Variants in STXBP3 observed in about 807,000 individuals in gnomAD.
STXBP3 encodes syntaxin binding protein 3.
Under a neutral mutation model 85.7 loss-of-function variants are expected in STXBP3, and 41 were observed. The ratio of observed to expected loss-of-function variants is 0.48; its 90% CI spans 0.37 to 0.62. The LOEUF is 0.62. Among genes scored for constraint, STXBP3 ranks in the 20% least tolerant of loss-of-function variants. STXBP3 has a pLI of 0.00. For synonymous variants in STXBP3, 229 were observed against 231.7 expected (o/e 0.99, Z 0.10); for missense variants, 563 against 703.1 (o/e 0.80, Z 2.25).
At chr1:108,794,738 T>A in intron 12 of STXBP3, 89 bp from the exon 13 acceptor site, 1 of 1,124,472 alleles carries the variant, frequency 8.9e-7, no homozygotes, top group East Asian at 2.6e-5. Flanking sequence ...GCCCATACTT[T>A]CTTTCAGGCC....
At chr1:108,771,686 C>A (rs369196221) in intron 6 of STXBP3, among the ~76,000 whole-genome samples, 42 of 2,770 alleles carry the variant, frequency 0.015, 8 homozygotes, top group Admixed American at 0.051. Flanking sequence ...TATATGATAT[C>A]TATCTATATA....
chr1:108,775,564 C>G (rs1287449667), intron 7 of STXBP3, among the ~76,000 whole-genome samples: 1 of 151,994 alleles, frequency 6.6e-6, no homozygotes, highest in Non-Finnish European at 1.5e-5. Context: ...ACCCACCACT[C>G]CTGCCCCTTT....
At chr1:108,755,116 T>A (rs902567930) in intron 3 of STXBP3, among the ~76,000 whole-genome samples, 2 of 152,028 alleles carry the variant, frequency 1.3e-5, no homozygotes, top group Non-Finnish European at 2.9e-5. Context: ...ATTTGCTACT[T>A]GAGTGGAGAA....
At chr1:108,775,241 A>T (rs1429324106) in intron 7 of STXBP3, among the ~76,000 whole-genome samples, 2 of 152,042 alleles carry the variant, frequency 1.3e-5, no homozygotes, top group Admixed American at 6.6e-5. Flanking sequence ...TGAGGTTGTT[A>T]TGCTGGTGAA....
chr1:108,793,890 TAACA>T (rs1663030972), intron 12 of STXBP3, among the ~76,000 whole-genome samples: 1 of 135,508 alleles, frequency 7.4e-6, no homozygotes, highest in Non-Finnish European at 1.6e-5. Flanking sequence ...TTGAATAGCC[TAACA>T]GAGTCACATT....
At chr1:108,791,636 C>T (rs1005938359) in intron 11 of STXBP3, among the ~76,000 whole-genome samples, 1 of 152,012 alleles carries the variant, frequency 6.6e-6, no homozygotes, top group African/African-American at 2.4e-5. Flanking sequence ...CTATTAAACC[C>T]ATTCATTGTA....
At chr1:108,799,259 CTTTG>C (rs972069270) in intron 16 of STXBP3, among the ~76,000 whole-genome samples, 2 of 152,098 alleles carry the variant, frequency 1.3e-5, no homozygotes, top group Non-Finnish European at 2.9e-5. Flanking sequence ...AGAATTTAGA[CTTTG>C]TTTTCTCTAA....
At chr1:108,747,572 C>T (rs1355194987) in intron 1 of STXBP3, among the ~76,000 whole-genome samples, 1 of 152,204 alleles carries the variant, frequency 6.6e-6, no homozygotes, top group Admixed American at 6.5e-5. Context: ...AACCACCCAA[C>T]AGGAATAACC....
At chr1:108,798,785 A>G (rs1663171267) in intron 16 of STXBP3, among the ~76,000 whole-genome samples, 2 of 152,190 alleles carry the variant, frequency 1.3e-5, no homozygotes, top group African/African-American at 2.4e-5. Context: ...AAATAAACAC[A>G]TATATGCTTT....
At position 108,758,493 on chromosome 1, in the gene STXBP3, A is replaced by G; in HGVS notation, c.259-17A>G. The G allele has an allele frequency of 1.4e-6, 2 of 1,390,782 alleles. No homozygotes were observed. Among genetic ancestry groups the G allele is most frequent in the Non-Finnish European group, 2.0e-6 (2 of 1,017,996 alleles). 86.2% of individuals were successfully genotyped at this position (1,390,782 alleles called of 1,614,324 possible). A position where few individuals can be genotyped will look rare whatever the true frequency, so the allele number is the denominator to read the frequency against. On this transcript the variant is annotated splice_polypyrimidine_tract_variant and intron_variant, in intron 4 of 18. Coordinates refer to ENST00000370008, the MANE Select transcript of STXBP3 (RefSeq NM_007269.4). ...AATATTTAATAAAATGTGTATTAACATCTAACCTTTTTTAAGTCTGTAGAT... is the reference window on the plus strand; with the variant it reads ...AATATTTAATAAAATGTGTATTAACGTCTAACCTTTTTTAAGTCTGTAGAT...
chr1:108,748,096 T>G (rs1266252685), intron 1 of STXBP3, among the ~76,000 whole-genome samples: 1 of 150,544 alleles, frequency 6.6e-6, no homozygotes, highest in Non-Finnish European at 1.5e-5. Flanking sequence ...GTTTTTATTA[T>G]CTGTCATTCT....
At chr1:108,802,708 T>A (rs997343875) in intron 17 of STXBP3, among the ~76,000 whole-genome samples, 11 of 152,202 alleles carry the variant, frequency 7.2e-5, no homozygotes, top group Non-Finnish European at 1.6e-4. Flanking sequence ...ACCTGAAATG[T>A]TTTGTTTTGT....
chr1:108,807,421 C>T lies in STXBP3; in HGVS notation c.1556C>T (p.Ala519Val). ...TTTAGTGCTCGCCAGAAACCCAGAG[C>T]TAATTATTTAGAAGACCGAAAAAAT... ...GAVSARQKPRANYLEDRKNGS... is the reference protein window; with the variant it reads ...GAVSARQKPRVNYLEDRKNGS... Residue 519 changes from alanine to valine, a missense_variant, in exon 18 of 19, where the codon GCT (alanine) becomes GTT (valine). Physicochemically the swap from Ala to Val is moderately conservative, Grantham distance 64 (BLOSUM62 0). This residue lies in a region of STXBP3 where 494 missense variants were observed against 592.8 expected (regional missense o/e 0.83). Transcript: ENST00000370008. The T allele has an allele frequency of 6.2e-7, 1 of 1,607,390 alleles. No individual in the cohort carries two copies. Among genetic ancestry groups the T allele is most frequent in the Non-Finnish European group, 8.5e-7 (1 of 1,178,300 alleles).
chr1:108,777,640 AAG>A (rs1323008407), intron 8 of STXBP3, among the ~76,000 whole-genome samples: 5 of 152,156 alleles, frequency 3.3e-5, no homozygotes, highest in Admixed American at 6.5e-5. Flanking sequence ...TCAGTGGAAA[AAG>A]AGCAAAATCC....
At chr1:108,779,108 T>TA (rs1662659306) in intron 8 of STXBP3, among the ~76,000 whole-genome samples, 178 bp from the exon 9 acceptor site, 1 of 152,220 alleles carries the variant, frequency 6.6e-6, no homozygotes, top group Non-Finnish European at 1.5e-5. Context: ...TTTTTCTTTG[T>TA]TTTATTATAA....
chr1:108,802,409 TAA>T (rs1287412151), intron 17 of STXBP3, among the ~76,000 whole-genome samples: 4 of 151,998 alleles, frequency 2.6e-5, no homozygotes, highest in Non-Finnish European at 4.4e-5. Context: ...ATTAATTAAT[TAA>T]TTAATTTATT....
chr1:108,805,216 A>G (rs1303745201), intron 17 of STXBP3, among the ~76,000 whole-genome samples: 30 of 152,066 alleles, frequency 2.0e-4, no homozygotes, highest in Admixed American at 1.7e-3. Flanking sequence ...TTCTTACTCT[A>G]TTTCTCTCTG....
intron 11 of STXBP3, among the ~76,000 whole-genome samples, chr1:108,783,833 T>G (rs1208955103): frequency 6.6e-6 from 1 of 152,210 alleles, no homozygotes; most frequent in Non-Finnish European, 1.5e-5. Context: ...GATATATTCT[T>G]GTCTTTATTT....
intron 6 of STXBP3, among the ~76,000 whole-genome samples, chr1:108,768,747 T>C (rs1357723552): frequency 6.6e-6 from 1 of 152,162 alleles, no homozygotes; most frequent in Non-Finnish European, 1.5e-5. Flanking sequence ...GCAGAGAGAT[T>C]GGTAAAGTCA....
Sources: allele counts gnomAD v4.1 joint callset (sites outside exome capture counted in the v4.1 genomes callset), GRCh38; gene constraint gnomAD v4.1.1; regional missense constraint gnomAD v4.1.1; transcripts MANE v1.5; gene names NCBI Gene and HGNC (gene_info 2026-07-23, HGNC 2026-07-21).